GRIN2A: variants seen among roughly 807,000 people sequenced by gnomAD.
The protein encoded by GRIN2A is glutamate ionotropic receptor NMDA type subunit 2A, also known as glutamate receptor ionotropic, NMDA 2A.
Under a neutral mutation model 113.4 loss-of-function variants are expected in GRIN2A, and 22 were observed. The observed-to-expected ratio is 0.19, with a 90% confidence interval of 0.14 to 0.28. The LOEUF (loss-of-function observed/expected upper bound fraction) is 0.28, where lower values mean the gene tolerates loss of function less well. GRIN2A is among the 10% of genes least tolerant of loss of function. GRIN2A has a pLI of 1.00. For synonymous variants in GRIN2A, 827 were observed against 738.4 expected, an observed-to-expected ratio of 1.12 and a Z score of -1.94; for missense variants, 1,502 against 1,887.0, an observed-to-expected ratio of 0.80 and a Z score of 3.78.
intron 2 of GRIN2A, among the ~76,000 whole-genome samples, chr16:10,171,934 A>C (rs555697584): frequency 6.6e-6 from 1 of 152,370 alleles, no homozygotes; most frequent in African/African-American, 2.4e-5. Flanking sequence ...TAAGAGGTGG[A>C]ATCCCTGAAT....
intron 2 of GRIN2A, among the ~76,000 whole-genome samples, chr16:10,160,340 C>A (rs2049785731): frequency 6.6e-6 from 1 of 152,212 alleles, no homozygotes; most frequent in Non-Finnish European, 1.5e-5. Flanking sequence ...GCACACAGCA[C>A]AAGTGGGCGT....
intron 2 of GRIN2A, among the ~76,000 whole-genome samples, chr16:10,126,919 G>A (rs1442847830): frequency 1.3e-5 from 2 of 152,162 alleles, no homozygotes; most frequent in Non-Finnish European, 2.9e-5. Flanking sequence ...GACCTTCTGA[G>A]TCACACTCTG....
At chr16:10,168,560 G>A (rs2049970398) in intron 2 of GRIN2A, among the ~76,000 whole-genome samples, 1 of 152,178 alleles carries the variant, frequency 6.6e-6, no homozygotes, top group Non-Finnish European at 1.5e-5. Flanking sequence ...GTCACTGTTA[G>A]CTCAATCATA....
intron 2 of GRIN2A, among the ~76,000 whole-genome samples, chr16:10,077,865 C>A (rs1266633999): frequency 1.3e-5 from 2 of 152,118 alleles, no homozygotes; most frequent in Admixed American, 6.5e-5. Flanking sequence ...TTTGGTGATA[C>A]CTTCCGTGGC....
chr16:9,794,968 ATGATGGTGG>A (rs1567302699), intron 11 of GRIN2A, among the ~76,000 whole-genome samples: 1 of 152,064 alleles, frequency 6.6e-6, no homozygotes, highest in Non-Finnish European at 1.5e-5. Context: ...GATGGCCATG[ATGATGGTGG>A]TGATGATCGT....
intron 2 of GRIN2A, among the ~76,000 whole-genome samples, chr16:10,113,437 G>T (rs1304870604): frequency 2.0e-5 from 3 of 152,208 alleles, no homozygotes; most frequent in Admixed American, 6.5e-5. Flanking sequence ...GGAGGAGGCT[G>T]CCCTGCTCAT....
At chr16:10,079,925 T>A (rs774213217) in intron 2 of GRIN2A, among the ~76,000 whole-genome samples, 2 of 152,232 alleles carry the variant, frequency 1.3e-5, no homozygotes, top group African/African-American at 4.8e-5. Flanking sequence ...AATTCCTGTA[T>A]GAAGAATTGC....
chr16:9,910,725 A>G (rs2044118334), intron 3 of GRIN2A, among the ~76,000 whole-genome samples: 1 of 152,030 alleles, frequency 6.6e-6, no homozygotes, highest in South Asian at 2.1e-4. Context: ...TTTAGTAGAA[A>G]TGGAGTTTCA....
At chr16:10,173,742 G>A (rs2050089987) in intron 2 of GRIN2A, among the ~76,000 whole-genome samples, 2 of 152,130 alleles carry the variant, frequency 1.3e-5, no homozygotes, top group African/African-American at 4.8e-5. Context: ...AATAATTGTG[G>A]TATGAACTGA....
chr16:9,759,975 A>G lies in GRIN2A; in HGVS notation c.*3174T>C, dbSNP rs1900505184. The G allele has an allele frequency of 4.3e-6, 1 of 231,232 alleles. No homozygotes were observed. Among genetic ancestry groups the G allele is most frequent in the Non-Finnish European group, 8.6e-6 (1 of 116,876 alleles). 14.3% of individuals were successfully genotyped at this position (231,232 alleles called of 1,614,324 possible). On this transcript the variant is annotated 3_prime_UTR_variant, in exon 13 of 13. Coordinates refer to ENST00000330684, the MANE Select transcript of GRIN2A (RefSeq NM_001134407.3). ...TGCGTGCTATTACCCATGGACAGAG[A>G]CCCAACCGTTTGCATTCAAGTGTAC...
intron 2 of GRIN2A, among the ~76,000 whole-genome samples, chr16:10,058,210 A>G (rs1421807208): frequency 6.6e-6 from 1 of 152,076 alleles, no homozygotes. Flanking sequence ...AGCCATGATC[A>G]AGCCTTGCAC....
intron 2 of GRIN2A, among the ~76,000 whole-genome samples, chr16:10,010,155 G>C (rs1340813894): frequency 6.6e-6 from 1 of 152,234 alleles, no homozygotes; most frequent in East Asian, 1.9e-4. Flanking sequence ...TCTCCTTTCT[G>C]ATAAGGGTAG....
At chr16:10,110,822 A>C (rs906939337) in intron 2 of GRIN2A, among the ~76,000 whole-genome samples, 1 of 152,240 alleles carries the variant, frequency 6.6e-6, no homozygotes, top group East Asian at 1.9e-4. Context: ...CAGAACCAAA[A>C]GATGAAAGGA....
At chr16:10,048,823 CT>C (rs1470860875) in intron 2 of GRIN2A, among the ~76,000 whole-genome samples, 1 of 152,204 alleles carries the variant, frequency 6.6e-6, no homozygotes, top group African/African-American at 2.4e-5. Context: ...CTCTCTCCAT[CT>C]CAACCTTGGA....
At chr16:9,822,511 G>T in intron 9 of GRIN2A, 87 bp from the exon 10 acceptor site, 1 of 892,862 alleles carries the variant, frequency 1.1e-6, no homozygotes, top group Non-Finnish European at 1.9e-6. Context: ...ATAAATTAGT[G>T]ATCATTTTGT....
intron 5 of GRIN2A, among the ~76,000 whole-genome samples, chr16:9,845,685 C>T (rs1485568342): frequency 6.6e-6 from 1 of 152,218 alleles, no homozygotes; most frequent in Non-Finnish European, 1.5e-5. Flanking sequence ...CTGCCATTGC[C>T]TCTACCTGGA....
In GRIN2A at chr16:10,062,902, T is replaced by C. The variant is rs116427267; in HGVS notation, c.414+117096A>G. On this transcript the variant is annotated intron_variant, in intron 2 of 12. Transcript: ENST00000330684. The stretch of plus-strand genomic sequence containing the variant: ...AGAAGAAGAAAAGAAAAACATTGGG[T>C]TAGCAAAAAGACACATGCACTCATA... Among the ~76,000 whole-genome samples the C allele has an allele frequency of 6.2e-3, 941 of 151,100 alleles. 16 individuals are homozygous for C. The highest frequency in any genetic ancestry group is 0.022 in the African/African-American group (907 of 41,214).
At chr16:9,803,536 C>G (rs1051901214) in intron 10 of GRIN2A, among the ~76,000 whole-genome samples, 1 of 152,268 alleles carries the variant, frequency 6.6e-6, no homozygotes, top group Admixed American at 6.5e-5. Context: ...AACAAATGCT[C>G]GAAACACATA....
At chr16:9,833,950 C>A (rs1490438288) in intron 8 of GRIN2A, among the ~76,000 whole-genome samples, 155 bp downstream of exon 8, 1 of 152,180 alleles carries the variant, frequency 6.6e-6, no homozygotes, top group African/African-American at 2.4e-5. Context: ...AACTCCTGAC[C>A]TCATGATCCA....
Sources: gnomAD v4.1 joint callset for allele counts (sites outside exome capture counted in the v4.1 genomes callset) on GRCh38, gnomAD v4.1.1 for gene constraint, MANE v1.5 for transcripts, NCBI Gene and HGNC (gene_info 2026-07-23, HGNC 2026-07-21) for gene names.